Variants in OPCML observed in about 807,000 individuals in gnomAD.
OPCML encodes the protein opioid binding protein/cell adhesion molecule like, also known as opioid-binding protein/cell adhesion molecule.
OPCML carries 13 observed loss-of-function variants against 37.8 expected under a neutral mutation model. The observed-to-expected ratio is 0.34, with a 90% confidence interval of 0.22 to 0.55. The LOEUF is 0.55. Among genes scored for constraint, OPCML ranks in the 20% least tolerant of loss-of-function variants. The pLI is 0.91. For synonymous variants in OPCML, 176 were observed against 168.8 expected (o/e 1.04, Z -0.33); for missense variants, 341 against 435.6 (o/e 0.78, Z 1.93).
chr11:132,913,947 C>A (rs186543669), intron 2 of OPCML, among the ~76,000 whole-genome samples: 1 of 152,174 alleles, frequency 6.6e-6, no homozygotes. Flanking sequence ...ACTCATTTTC[C>A]GGTGTTTTCT....
intron 1 of OPCML, among the ~76,000 whole-genome samples, chr11:133,389,366 C>T (rs1271158631): frequency 6.6e-6 from 1 of 152,204 alleles, no homozygotes; most frequent in Non-Finnish European, 1.5e-5. Flanking sequence ...CACAGTCCTA[C>T]CTGTAGGGCC....
chr11:133,458,607 G>A lies in OPCML; in HGVS notation c.61+73657C>T, dbSNP rs567389087. ...TACACATATATACACGTGTGTGTGTGTATACACATATATACACGTGTGTGT... is the reference window on the plus strand; with the variant it reads ...TACACATATATACACGTGTGTGTGTATATACACATATATACACGTGTGTGT... On this transcript the variant is annotated intron_variant, in intron 1 of 7. Transcript: ENST00000524381. 2.4e-4 allele frequency among the ~76,000 whole-genome samples: 17 copies of A among 69,918 alleles called. 1 individual carries two copies. Among genetic ancestry groups the A allele is most frequent in the African/African-American group, 1.4e-3 (7 of 4,834 alleles). 45.9% of individuals were successfully genotyped at this position (69,918 alleles called of 152,430 possible).
Position 133,498,819 on chromosome 11 carries a change from G to C in OPCML, c.61+33445C>G, listed in dbSNP as rs151102366. On this transcript the variant is annotated intron_variant, in intron 1 of 7. Coordinates refer to ENST00000524381, the MANE Select transcript of OPCML (RefSeq NM_001012393.5). ...TTATAAAACAAGGCAGGCCAGAGGA[G>C]TGATCTGTGGTCACTTTAGATGTAA... Among the ~76,000 whole-genome samples, 311 of 152,318 alleles carry C rather than the reference G, an allele frequency of 2.0e-3. 1 individual carries two copies. The highest frequency in any genetic ancestry group is 7.0e-3 in the African/African-American group (293 of 41,568).
chr11:133,230,426 C>G (rs1383830047), intron 1 of OPCML, among the ~76,000 whole-genome samples: 1 of 152,204 alleles, frequency 6.6e-6, no homozygotes, highest in Admixed American at 6.5e-5. Context: ...GTTTCTATTT[C>G]TGCCTCCCCT....
At chr11:132,467,672 G>A (rs1242320007) in intron 4 of OPCML, among the ~76,000 whole-genome samples, 2 of 152,308 alleles carry the variant, frequency 1.3e-5, no homozygotes, top group African/African-American at 4.8e-5. Context: ...GTGCGGAAAT[G>A]AACTTTCTCC....
intron 1 of OPCML, among the ~76,000 whole-genome samples, chr11:133,186,199 G>T (rs1938063345): frequency 6.6e-6 from 1 of 152,098 alleles, no homozygotes; most frequent in Non-Finnish European, 1.5e-5. Flanking sequence ...CTTACCTAGG[G>T]CAATATGCAA....
chr11:133,506,727 C>A (rs1164313340), intron 1 of OPCML, among the ~76,000 whole-genome samples: 1 of 152,190 alleles, frequency 6.6e-6, no homozygotes, highest in African/African-American at 2.4e-5. Flanking sequence ...TTGTCCTAGC[C>A]ACATAAGCAG....
intron 1 of OPCML, among the ~76,000 whole-genome samples, chr11:133,493,579 T>A (rs1224385125): frequency 6.6e-6 from 1 of 152,110 alleles, no homozygotes; most frequent in Non-Finnish European, 1.5e-5. Context: ...AAAGGCAGTA[T>A]AACCTATTTC....
chr11:133,095,628 T>C (rs11600739), intron 1 of OPCML, among the ~76,000 whole-genome samples: 12,784 of 146,114 alleles, frequency 0.087, 800 homozygotes, highest in African/African-American at 0.18. Flanking sequence ...ACTGATACAG[T>C]AGTCATGAAT....
intron 1 of OPCML, among the ~76,000 whole-genome samples, chr11:133,490,560 C>T (rs150921379): frequency 9.2e-5 from 14 of 152,166 alleles, no homozygotes; most frequent in African/African-American, 3.1e-4. Flanking sequence ...GGCAAATATG[C>T]TTCCAAATAA....
chr11:133,411,438 G>A (rs1945650111), intron 1 of OPCML, among the ~76,000 whole-genome samples: 1 of 152,150 alleles, frequency 6.6e-6, no homozygotes, highest in Admixed American at 6.5e-5. Flanking sequence ...CAGGCCCAGG[G>A]AGGAAGGTCA....
intron 1 of OPCML, among the ~76,000 whole-genome samples, chr11:132,951,306 G>A (rs1242739531): frequency 6.6e-6 from 1 of 152,210 alleles, no homozygotes; most frequent in Non-Finnish European, 1.5e-5. Context: ...CTGCAAGTCT[G>A]AGATCAGGGT....
chr11:132,596,935 T>C (rs79684415), intron 3 of OPCML, among the ~76,000 whole-genome samples: 3,726 of 152,288 alleles, frequency 0.024, 54 homozygotes, highest in Non-Finnish European at 0.036. Flanking sequence ...CACAGATATC[T>C]ACAGCATACC....
In OPCML at chr11:132,645,763, A is replaced by G. The variant is rs141004429; in HGVS notation, c.379+11324T>C. 8.1e-3 allele frequency among the ~76,000 whole-genome samples: 1,228 copies of G among 152,374 alleles called. 24 individuals are homozygous for G. Among genetic ancestry groups the G allele is most frequent in the African/African-American group, 0.028 (1,176 of 41,584 alleles). On this transcript the variant is annotated intron_variant, in intron 3 of 7. Transcript: ENST00000524381. ...GTGTCTATTTCAAATTAAATTAATT[A>G]AAATTAAATAAAACTAAAGACTTGG...
chr11:133,198,000 G>A (rs1197414495), intron 1 of OPCML, among the ~76,000 whole-genome samples: 2 of 152,174 alleles, frequency 1.3e-5, no homozygotes, highest in African/African-American at 4.8e-5. Context: ...AACCCAGACA[G>A]ACGACCTATT....
chr11:133,120,633 G>T (rs1949406001), intron 1 of OPCML, among the ~76,000 whole-genome samples: 1 of 152,226 alleles, frequency 6.6e-6, no homozygotes, highest in African/African-American at 2.4e-5. Flanking sequence ...GAACTCAGGA[G>T]ACCTGGCTTC....
At chr11:132,635,442 AG>A (rs1940429760) in intron 3 of OPCML, among the ~76,000 whole-genome samples, 1 of 152,078 alleles carries the variant, frequency 6.6e-6, no homozygotes, top group Admixed American at 6.5e-5. Context: ...TCCTCATCAA[AG>A]CATATGATTT....
intron 2 of OPCML, among the ~76,000 whole-genome samples, chr11:132,751,569 C>G (rs1945834359): frequency 6.6e-6 from 1 of 152,180 alleles, no homozygotes; most frequent in Non-Finnish European, 1.5e-5. Context: ...TCCAGGAAAG[C>G]ATTTTACATC....
At chr11:132,456,832 C>T (rs1364135901) in intron 4 of OPCML, among the ~76,000 whole-genome samples, 1 of 152,194 alleles carries the variant, frequency 6.6e-6, no homozygotes, top group Non-Finnish European at 1.5e-5. Flanking sequence ...TTCTGTAATA[C>T]TCTATTTTTA....
Sources: allele counts gnomAD v4.1 joint callset (sites outside exome capture counted in the v4.1 genomes callset), GRCh38; gene constraint gnomAD v4.1.1; transcripts MANE v1.5; gene names NCBI Gene and HGNC (gene_info 2026-07-23, HGNC 2026-07-21).